The following TEX15 variants were observed in gnomAD, a reference collection of about 807,000 sequenced individuals.
The protein encoded by TEX15 is testis-expressed protein 15.
In TEX15, 171 loss-of-function variants were observed where a neutral mutation model predicts 237.3. That is an observed-to-expected ratio of 0.72 (90% CI 0.64 to 0.82). The LOEUF is 0.82. TEX15 is among the 40% of genes least tolerant of loss of function. The pLI, the probability that TEX15 is intolerant of heterozygous loss-of-function variation, is 0.00. For synonymous variants in TEX15, 1,338 were observed against 1,269.8 expected (o/e 1.05, Z -1.14); for missense variants, 3,750 against 3,646.5 (o/e 1.03, Z -0.73).
At chr8:30,834,463 C>T (rs1436195217) in intron 10 of TEX15, among the ~76,000 whole-genome samples, 1 of 138,082 alleles carries the variant, frequency 7.2e-6, no homozygotes, top group Non-Finnish European at 1.6e-5. Context: ...TGAGCTACTG[C>T]GTCCAGCCTT....
At chr8:30,905,122 T>C (rs1445221375) in intron 1 of TEX15, among the ~76,000 whole-genome samples, 2 of 152,200 alleles carry the variant, frequency 1.3e-5, no homozygotes, top group Non-Finnish European at 2.9e-5. Flanking sequence ...CTAACATTCA[T>C]TTTAAGATTC....
intron 5 of TEX15, among the ~76,000 whole-genome samples, chr8:30,864,278 A>C (rs1329518707): frequency 7.9e-6 from 1 of 126,754 alleles, no homozygotes; most frequent in Non-Finnish European, 1.5e-5. Flanking sequence ...ACAGAGAGAA[A>C]AAAGACTAAA....
At chr8:30,861,518 C>T (rs323362) in intron 5 of TEX15, among the ~76,000 whole-genome samples, 39,551 of 151,938 alleles carry the variant, frequency 0.26, 6,498 homozygotes, top group Non-Finnish European at 0.37. Context: ...GATCCTGGAA[C>T]GCAAACAAAC....
chr8:30,836,411 A>G (rs1807300820), intron 10 of TEX15, among the ~76,000 whole-genome samples: 1 of 151,470 alleles, frequency 6.6e-6, no homozygotes. Context: ...ATGGGGTTTC[A>G]CTATGTTGGC....
intron 1 of TEX15, among the ~76,000 whole-genome samples, chr8:30,900,339 A>T (rs1351309302): frequency 1.3e-5 from 2 of 152,216 alleles, no homozygotes; most frequent in Admixed American, 1.3e-4. Flanking sequence ...TAAAATGTCA[A>T]ATAATTTGGG....
chr8:30,843,327 C>T lies in TEX15; in HGVS notation c.6840G>A (p.Trp2280Ter). Reference sequence around the variant, plus strand: ...TGCTGAAGGATTGTGTTCTCTCTTTCCAAACAAGATTTTTTGCAGCATCAA... The same window carrying T: ...TGCTGAAGGATTGTGTTCTCTCTTTTCAAACAAGATTTTTTGCAGCATCAA... ...IFFDAAKNLV[W>*]KERTQSFSKK... The change falls in exon 8 of 11, where the codon TGG becomes TGA. Residue 2280 changes from tryptophan (W) to a stop codon, truncating the protein, a stop_gained. Coordinates refer to ENST00000643185, the MANE Select transcript of TEX15 (RefSeq NM_001350162.2). LOFTEE classifies it high-confidence loss of function. The T allele has an allele frequency of 6.2e-7, 1 of 1,611,688 alleles. No homozygotes were observed.
intron 1 of TEX15, among the ~76,000 whole-genome samples, chr8:30,911,059 CA>C (rs1179815212): frequency 6.6e-6 from 1 of 152,106 alleles, no homozygotes; most frequent in Non-Finnish European, 1.5e-5. Context: ...TAAAAATATT[CA>C]ATAAATTTAA....
chr8:30,843,205 T>A lies in TEX15; in HGVS notation c.6962A>T (p.Asp2321Val), dbSNP rs879168351. Residue 2321 changes from aspartate (D) to valine (V), a missense_variant, in exon 8 of 11, where the codon GAT (aspartate) becomes GTT (valine). Coordinates refer to ENST00000643185, the MANE Select transcript of TEX15 (RefSeq NM_001350162.2). ...LQKIYDTLSKDLNNEPISPIG... is the reference protein window; with the variant it reads ...LQKIYDTLSKVLNNEPISPIG... The stretch of plus-strand genomic sequence containing the variant: ...AGGGGAAATTGGTTCATTGTTTAAA[T>A]CTTTAGACAAAGTATCATATATCTT... 6.8e-6 allele frequency: 11 copies of A among 1,613,380 alleles called. No homozygotes were observed. Among genetic ancestry groups the A allele is most frequent in the Non-Finnish European group, 9.3e-6 (11 of 1,179,640 alleles).
At chr8:30,853,542 A>G (rs1017426669) in intron 7 of TEX15, among the ~76,000 whole-genome samples, 1 of 152,240 alleles carries the variant, frequency 6.6e-6, no homozygotes, top group Non-Finnish European at 1.5e-5. Context: ...CAAATGTGGT[A>G]TTGGTATTAT....
rs1807217950 is a variant in TEX15 at position 30,833,163 on chromosome 8, A to G, written c.*123T>C. The G allele has an allele frequency of 3.0e-6, 2 of 658,480 alleles. No individual in the cohort carries two copies. Among genetic ancestry groups the G allele is most frequent in the East Asian group, 2.8e-5 (1 of 35,386 alleles). 40.8% of individuals were successfully genotyped at this position (658,480 alleles called of 1,614,324 possible). Reference sequence around the variant, plus strand: ...TTATTTGTATATTTTACAAAGGACCATATGATTTATATTTCCTACCACATT... The same window carrying G: ...TTATTTGTATATTTTACAAAGGACCGTATGATTTATATTTCCTACCACATT... On this transcript the variant is annotated 3_prime_UTR_variant, in exon 11 of 11. Coordinates refer to ENST00000643185, the MANE Select transcript of TEX15 (RefSeq NM_001350162.2).
chr8:30,856,568 C>CAAAAT, intron 7 of TEX15, among the ~76,000 whole-genome samples: 1 of 152,012 alleles, frequency 6.6e-6, no homozygotes, highest in East Asian at 1.9e-4. Flanking sequence ...CAAAACAAAA[C>CAAAAT]AAAATACCTT....
Position 30,842,658 on chromosome 8 carries a change from TGTTGA to T in TEX15, c.7504_7508del (p.Ser2502ArgfsTer16), listed in dbSNP as rs756611474. On this transcript the variant is annotated frameshift_variant, in exon 8 of 11. Transcript: ENST00000643185. LOFTEE classifies it high-confidence loss of function. Reference sequence around the variant, plus strand: ...CTATCACTTTCCAAAGGCAAACATCTGTTGAGTTATCTTTAAGAAATGAAAAAGAA... The same window carrying T: ...CTATCACTTTCCAAAGGCAAACATCTGTTATCTTTAAGAAATGAAAAAGAA... 161 of 1,612,370 alleles carry T rather than the reference TGTTGA, an allele frequency of 1.0e-4. No homozygotes were observed. The highest frequency in any genetic ancestry group is 1.6e-4 in the Middle Eastern group (1 of 6,082).
intron 4 of TEX15, among the ~76,000 whole-genome samples, 160 bp from the exon 5 acceptor site, chr8:30,867,662 G>GTT (rs1808202944): frequency 1.3e-5 from 2 of 152,000 alleles, no homozygotes; most frequent in Admixed American, 1.3e-4. Context: ...AATCATCTTA[G>GTT]GAACAAATTC....
intron 2 of TEX15, among the ~76,000 whole-genome samples, chr8:30,892,600 A>G (rs1323541591): frequency 6.6e-6 from 1 of 152,178 alleles, no homozygotes; most frequent in Non-Finnish European, 1.5e-5. Context: ...TCAGTTCATT[A>G]ATGTCTTTCA....
intron 1 of TEX15, among the ~76,000 whole-genome samples, chr8:30,906,871 T>C (rs1809112513): frequency 3.3e-5 from 5 of 152,174 alleles, no homozygotes; most frequent in African/African-American, 1.2e-4. Flanking sequence ...TTGATTAGCA[T>C]GGGCTTGAAA....
chr8:30,859,862 CA>C (rs1808003778), intron 6 of TEX15, 48 bp downstream of exon 6: 1 of 1,295,848 alleles, frequency 7.7e-7, no homozygotes, highest in South Asian at 2.4e-5. Flanking sequence ...TTAAAACATA[CA>C]ATGTGAAACA....
At chr8:30,883,387 T>C (rs1808576656) in intron 3 of TEX15, among the ~76,000 whole-genome samples, 1 of 152,148 alleles carries the variant, frequency 6.6e-6, no homozygotes, top group South Asian at 2.1e-4. Flanking sequence ...TTTAATTTTT[T>C]ATTTTACTTT....
intron 2 of TEX15, among the ~76,000 whole-genome samples, chr8:30,896,849 C>A (rs1808915511): frequency 6.6e-6 from 1 of 152,136 alleles, no homozygotes; most frequent in Non-Finnish European, 1.5e-5. Flanking sequence ...AACAAAGCCT[C>A]TTCCAGATTT....
chr8:30,893,088 A>G (rs1808828515), intron 2 of TEX15, among the ~76,000 whole-genome samples: 1 of 152,104 alleles, frequency 6.6e-6, no homozygotes, highest in Admixed American at 6.6e-5. Context: ...TAACACGTAT[A>G]TAACACTTAC....
Sources: gnomAD v4.1 joint callset for allele counts (sites outside exome capture counted in the v4.1 genomes callset) on GRCh38, gnomAD v4.1.1 for gene constraint, MANE v1.5 for transcripts, NCBI Gene and HGNC (gene_info 2026-07-23, HGNC 2026-07-21) for gene names.